Variants in ROR1 observed in about 807,000 individuals in gnomAD.
The protein encoded by ROR1 is ROR family WNT receptor 1.
A neutral mutation model predicts 78.8 loss-of-function variants in ROR1; 19 were observed. That is an observed-to-expected ratio of 0.24 (90% CI 0.17 to 0.35). ROR1 has a LOEUF of 0.35. Among genes scored for constraint, ROR1 ranks in the 10% least tolerant of loss-of-function variants. ROR1 has a pLI of 1.00. For missense variants in ROR1, 917 were observed against 1,177.8 expected (o/e 0.78, Z 3.24); for synonymous variants, 386 against 433.6 (o/e 0.89, Z 1.36).
At chr1:63,940,597 T>C (rs1242713840) in intron 1 of ROR1, among the ~76,000 whole-genome samples, 3 of 152,128 alleles carry the variant, frequency 2.0e-5, no homozygotes, top group African/African-American at 7.2e-5. Flanking sequence ...AACTGACATA[T>C]GTGACATGTG....
intron 7 of ROR1, among the ~76,000 whole-genome samples, chr1:64,151,790 A>C (rs1649632233): frequency 6.6e-6 from 1 of 151,630 alleles, no homozygotes; most frequent in African/African-American, 2.4e-5. Context: ...AGGCTGAGGC[A>C]GGAGAATTGC....
intron 1 of ROR1, among the ~76,000 whole-genome samples, chr1:63,957,194 A>G (rs140991914): frequency 8.9e-4 from 136 of 152,252 alleles, no homozygotes; most frequent in Middle Eastern, 3.4e-3. Context: ...TTTTCCTGAG[A>G]ACAGTGGTAG....
At chr1:63,968,792 G>T (rs1646096273) in intron 1 of ROR1, among the ~76,000 whole-genome samples, 1 of 152,166 alleles carries the variant, frequency 6.6e-6, no homozygotes, top group South Asian at 2.1e-4. Flanking sequence ...AGGTCACCCT[G>T]TAAACTTTTC....
chr1:63,813,218 T>C (rs1401529142), intron 1 of ROR1, among the ~76,000 whole-genome samples: 1 of 152,242 alleles, frequency 6.6e-6, no homozygotes, highest in Non-Finnish European at 1.5e-5. Flanking sequence ...TGGGGGAGCA[T>C]GTTTTCTTTG....
At chr1:64,105,267 G>C (rs1489430100) in intron 4 of ROR1, 1 of 152,106 alleles carries the variant, frequency 6.6e-6, no homozygotes, top group Non-Finnish European at 1.5e-5. Context: ...CTTTTGAGAA[G>C]TGTCTGTTCA....
intron 1 of ROR1, among the ~76,000 whole-genome samples, chr1:63,779,853 C>T (rs780873412): frequency 6.6e-6 from 1 of 152,060 alleles, no homozygotes; most frequent in Non-Finnish European, 1.5e-5. Flanking sequence ...GCATGGACAT[C>T]CATAGGACCT....
chr1:63,908,888 G>A (rs2100413629), intron 1 of ROR1, among the ~76,000 whole-genome samples: 1 of 152,326 alleles, frequency 6.6e-6, no homozygotes, highest in Non-Finnish European at 1.5e-5. Flanking sequence ...TGAAGAATGT[G>A]CCAGGGAGTG....
At chr1:63,988,857 A>G (rs574390517) in intron 1 of ROR1, among the ~76,000 whole-genome samples, 1 of 152,338 alleles carries the variant, frequency 6.6e-6, no homozygotes, top group African/African-American at 2.4e-5. Context: ...TTGTATGCAC[A>G]TGCACATTTT....
chr1:64,106,451 G>A (rs1647814210), intron 4 of ROR1: 1 of 151,942 alleles, frequency 6.6e-6, no homozygotes, highest in South Asian at 2.1e-4. Flanking sequence ...TATGCTTTTT[G>A]TCTTTCTCTT....
At chr1:63,843,133 A>C in intron 1 of ROR1, 1 of 752,376 alleles carries the variant, frequency 1.3e-6, no homozygotes, top group Non-Finnish European at 2.3e-6. Context: ...GACGGCCTGC[A>C]ACCCCCGAGG....
intron 4 of ROR1, among the ~76,000 whole-genome samples, chr1:64,118,135 C>T (rs559579782): frequency 6.6e-6 from 1 of 152,260 alleles, no homozygotes; most frequent in East Asian, 1.9e-4. Flanking sequence ...CCCAGTAGGT[C>T]AAGGTTGCAG....
intron 2 of ROR1, among the ~76,000 whole-genome samples, chr1:64,023,207 G>T (rs1646579403): frequency 6.6e-6 from 1 of 152,170 alleles, no homozygotes; most frequent in Non-Finnish European, 1.5e-5. Context: ...ACAGAAGGAT[G>T]CTAGCATCCT....
At chr1:64,083,536 T>TGTGTGTGTGTGTGTGTGTGTGTC (rs139973518) in intron 4 of ROR1, among the ~76,000 whole-genome samples, 21 of 150,828 alleles carry the variant, frequency 1.4e-4, no homozygotes, top group African/African-American at 3.9e-4. Flanking sequence ...AGTGTGTGTG[T>TGTGTGTGTGTGTGTGTGTGTGTC]TTTAGGAACA....
chr1:63,967,768 A>C (rs1646086763), intron 1 of ROR1, among the ~76,000 whole-genome samples: 1 of 152,190 alleles, frequency 6.6e-6, no homozygotes, highest in African/African-American at 2.4e-5. Context: ...CCTCAATCAT[A>C]GAATTGGAGG....
chr1:63,792,098 G>T (rs1052517072), intron 1 of ROR1, among the ~76,000 whole-genome samples: 1 of 152,244 alleles, frequency 6.6e-6, no homozygotes, highest in Middle Eastern at 3.4e-3. Context: ...GGGTGCTGTC[G>T]CATGGGGCAG....
At chr1:63,909,401 A>G (rs1364197044) in intron 1 of ROR1, among the ~76,000 whole-genome samples, 1 of 152,234 alleles carries the variant, frequency 6.6e-6, no homozygotes, top group African/African-American at 2.4e-5. Context: ...TATTGATGTT[A>G]TCTTCAGATG....
intron 1 of ROR1, among the ~76,000 whole-genome samples, chr1:63,990,027 T>C (rs1032596602): frequency 2.0e-5 from 3 of 152,182 alleles, no homozygotes; most frequent in Non-Finnish European, 4.4e-5. Flanking sequence ...GTTTTTTCTC[T>C]CCTGTCAGCT....
intron 4 of ROR1, among the ~76,000 whole-genome samples, chr1:64,091,763 TCTC>T (rs1161178609): frequency 1.3e-5 from 2 of 152,202 alleles, no homozygotes; most frequent in East Asian, 1.9e-4. Context: ...ATGTGTCTCT[TCTC>T]CTACTCTGTT....
At chr1:64,014,723 A>ATATATATATATATATATGTG (rs1646503542) in intron 2 of ROR1, among the ~76,000 whole-genome samples, 1 of 47,770 alleles carries the variant, frequency 2.1e-5, no homozygotes, top group Non-Finnish European at 4.2e-5. Flanking sequence ...CTATATATAT[A>ATATATATATATATATATGTG]TATACACATA....
Sources: gnomAD v4.1 joint callset for allele counts (sites outside exome capture counted in the v4.1 genomes callset) on GRCh38, gnomAD v4.1.1 for gene constraint, MANE v1.5 for transcripts, NCBI Gene and HGNC (gene_info 2026-07-23, HGNC 2026-07-21) for gene names.